Variants in ADAMTS2 observed in about 807,000 individuals in gnomAD.
ADAMTS2 encodes the protein A disintegrin and metalloproteinase with thrombospondin motifs 2.
A neutral mutation model predicts 123.0 loss-of-function variants in ADAMTS2; 50 were observed. That is an observed-to-expected ratio of 0.41 (90% CI 0.32 to 0.51). The LOEUF (loss-of-function observed/expected upper bound fraction) is 0.51. Ranked by LOEUF, ADAMTS2 falls within the 20% of genes least tolerant of loss-of-function variation. The pLI is 0.35. For missense variants in ADAMTS2, 1,494 were observed against 1,705.2 expected (o/e 0.88, Z 2.18); for synonymous variants, 678 against 695.4 (o/e 0.98, Z 0.39).
intron 12 of ADAMTS2, among the ~76,000 whole-genome samples, chr5:179,136,672 A>AC (rs1491249790): frequency 1.5e-5 from 2 of 133,996 alleles, no homozygotes; most frequent in African/African-American, 5.5e-5. Context: ...ACTCCATCTC[A>AC]AAAAAAAAAA....
rs931397444 is a variant in ADAMTS2, at chr5:179,188,805, C to G, written c.892-7650G>C. 9.9e-5 allele frequency among the ~76,000 whole-genome samples: 15 copies of G among 152,152 alleles called. No homozygotes were observed. Among genetic ancestry groups the G allele is most frequent in the Non-Finnish European group, 2.9e-5 (2 of 68,022 alleles). ...GCCTCAGGGTGGGGACGGGGCTCCTCCACTTCCAGGCCAGCTCATCAATGC... is the reference window on the plus strand; with the variant it reads ...GCCTCAGGGTGGGGACGGGGCTCCTGCACTTCCAGGCCAGCTCATCAATGC... On this transcript the variant is annotated intron_variant, in intron 4 of 21. Coordinates refer to ENST00000251582, the MANE Select transcript of ADAMTS2 (RefSeq NM_014244.5). The surrounding 1 kb of genome is among the most constrained non-coding windows in gnomAD (Gnocchi z 5.1).
intron 2 of ADAMTS2, among the ~76,000 whole-genome samples, chr5:179,304,402 G>A (rs913467036): frequency 1.3e-5 from 2 of 152,158 alleles, no homozygotes; most frequent in African/African-American, 4.8e-5. Flanking sequence ...GGAATTAACT[G>A]ACAATGATCT....
At chr5:179,137,523 G>C (rs1763085524) in intron 12 of ADAMTS2, among the ~76,000 whole-genome samples, 1 of 152,252 alleles carries the variant, frequency 6.6e-6, no homozygotes, top group Non-Finnish European at 1.5e-5. Context: ...CCGCAGCCCG[G>C]CCACCTCTTC....
intron 4 of ADAMTS2, among the ~76,000 whole-genome samples, chr5:179,200,301 T>C (rs1210533547): frequency 1.4e-5 from 2 of 137,942 alleles, no homozygotes; most frequent in African/African-American, 2.8e-5. Flanking sequence ...CAGACTGGAG[T>C]GCAGTGGCGT....
At chr5:179,295,531 A>G (rs536135665) in intron 2 of ADAMTS2, among the ~76,000 whole-genome samples, 1 of 152,268 alleles carries the variant, frequency 6.6e-6, no homozygotes, top group East Asian at 1.9e-4. Context: ...CATGCCCTGT[A>G]GCCCGACCAG....
At chr5:179,163,534 C>T (rs1763638843) in intron 5 of ADAMTS2, among the ~76,000 whole-genome samples, 1 of 152,136 alleles carries the variant, frequency 6.6e-6, no homozygotes, top group African/African-American at 2.4e-5. Context: ...GACAAAACAA[C>T]GCATCCTCCC....
Position 179,285,218 on chromosome 5 carries a change from A to AT in ADAMTS2, c.535-12155dup, listed in dbSNP as rs900094490. Among the ~76,000 whole-genome samples the AT allele has an allele frequency of 3.9e-5, 6 of 151,988 alleles. No individual in the cohort carries two copies. Among genetic ancestry groups the AT allele is most frequent in the African/African-American group, 1.2e-4 (5 of 41,448 alleles). On this transcript the variant is annotated intron_variant, in intron 2 of 21. Coordinates refer to ENST00000251582, the MANE Select transcript of ADAMTS2 (RefSeq NM_014244.5). The surrounding 1 kb of genome is among the most constrained non-coding windows in gnomAD (Gnocchi z 4.9). ...TTCACTTTTTATTAATATTTTCTGT[A>AT]TTTTTTTTGTTTTACATTTTTACAA... is the stretch of plus-strand genomic sequence containing the variant.
At chr5:179,294,682 C>A (rs1489183126) in intron 2 of ADAMTS2, among the ~76,000 whole-genome samples, 1 of 152,262 alleles carries the variant, frequency 6.6e-6, no homozygotes, top group Non-Finnish European at 1.5e-5. Context: ...AGGGTGGCCC[C>A]TGCCCCGTGT....
chr5:179,173,088 T>C (rs975777789), intron 5 of ADAMTS2, among the ~76,000 whole-genome samples: 1 of 151,110 alleles, frequency 6.6e-6, no homozygotes, highest in Non-Finnish European at 1.5e-5. Flanking sequence ...GGTGCGTGCC[T>C]GTAGTCCAAG....
Position 179,111,556 on chromosome 5 carries a change from C to T in ADAMTS2, c.*2311G>A, listed in dbSNP as rs1762568092. On this transcript the variant is annotated 3_prime_UTR_variant, in exon 22 of 22. Coordinates refer to ENST00000251582, the MANE Select transcript of ADAMTS2 (RefSeq NM_014244.5). ...TGTCAGTCCCAGAGGGCACCTTGCT[C>T]CCTTCAGCGGAAGACAGGTGCCCAG... 6.6e-6 allele frequency: 1 copy of T among 152,276 alleles called. No homozygotes were observed. The highest frequency in any genetic ancestry group is 1.5e-5 in the Non-Finnish European group (1 of 68,058). The allele number at this position is 152,276 out of a possible 1,614,324, so 9.4% of individuals were successfully genotyped here.
chr5:179,212,336 T>C (rs1427756901), intron 3 of ADAMTS2, among the ~76,000 whole-genome samples: 79 of 84,948 alleles, frequency 9.3e-4, no homozygotes, highest in Admixed American at 1.3e-3. Flanking sequence ...GCCCTGAGGG[T>C]GGGTTCAGTG....
chr5:179,320,559 C>G (rs1321052784), intron 2 of ADAMTS2, among the ~76,000 whole-genome samples: 1 of 150,708 alleles, frequency 6.6e-6, no homozygotes, highest in African/African-American at 2.5e-5. Flanking sequence ...ACCTTGTGAT[C>G]CGTCCACCTC....
rs1467271007 is a variant in ADAMTS2, at chr5:179,189,056, A to G, written c.892-7901T>C. 6.6e-6 allele frequency among the ~76,000 whole-genome samples: 1 copy of G among 152,118 alleles called. No individual in the cohort carries two copies. Among genetic ancestry groups the G allele is most frequent in the African/African-American group, 2.4e-5 (1 of 41,424 alleles). On this transcript the variant is annotated intron_variant, in intron 4 of 21. Coordinates refer to ENST00000251582, the MANE Select transcript of ADAMTS2 (RefSeq NM_014244.5). This position sits in a 1 kb window ranked among gnomAD's most constrained non-coding sequence, Gnocchi z 4.2. ...GGGTGCCAGCATGGGCTCTGCCACA[A>G]TCCTGCTGCGTGACTTGGGGCCAGT...
At chr5:179,226,663 G>T (rs1473592846) in intron 3 of ADAMTS2, among the ~76,000 whole-genome samples, 1 of 152,124 alleles carries the variant, frequency 6.6e-6, no homozygotes, top group African/African-American at 2.4e-5. Context: ...ACGGATCAGG[G>T]GTACATGCTG....
intron 2 of ADAMTS2, among the ~76,000 whole-genome samples, chr5:179,320,474 A>AT (rs10565392): frequency 0.28 from 39,616 of 142,166 alleles, 5,674 homozygotes; most frequent in Middle Eastern, 0.36. Flanking sequence ...CGCCTGGCTA[A>AT]TTTTTTTTTT....
At chr5:179,309,784 AG>A (rs1561722733) in intron 2 of ADAMTS2, among the ~76,000 whole-genome samples, 1 of 137,922 alleles carries the variant, frequency 7.3e-6, no homozygotes, top group African/African-American at 2.9e-5. Flanking sequence ...AAAAAAAAAA[AG>A]GCTCTGGCCC....
rs111876903 is a variant in ADAMTS2, at chr5:179,135,022, G to A, written c.2085+887C>T. 2.6e-3 allele frequency among the ~76,000 whole-genome samples: 147 copies of A among 57,148 alleles called. 6 individuals are homozygous for A. The South Asian group carries it at 0.052, about 20-fold the overall frequency. The allele number at this position is 57,148 out of a possible 152,430, so 37.5% of individuals were successfully genotyped here. ...CTCCCGGCTCCAGTCCCCAGCTCCC[G>A]GCTCCAGCTCCAGCCCCCAGCTCCC... On this transcript the variant is annotated intron_variant, in intron 13 of 21. Transcript: ENST00000251582.
chr5:179,201,919 G>T (rs1310066735), intron 4 of ADAMTS2, among the ~76,000 whole-genome samples: 1 of 152,162 alleles, frequency 6.6e-6, no homozygotes, highest in Non-Finnish European at 1.5e-5. Context: ...CCCAGCAGGG[G>T]CTGCTGGAGT....
At chr5:179,288,820 G>C (rs1383537578) in intron 2 of ADAMTS2, among the ~76,000 whole-genome samples, 1 of 152,214 alleles carries the variant, frequency 6.6e-6, no homozygotes, top group Non-Finnish European at 1.5e-5. Flanking sequence ...CCTCACAAGG[G>C]ACAAGGCCAC....
Sources: allele counts gnomAD v4.1 joint callset (sites outside exome capture counted in the v4.1 genomes callset), GRCh38; gene constraint gnomAD v4.1.1; non-coding constraint Gnocchi (gnomAD v3.1); transcripts MANE v1.5; gene names NCBI Gene and HGNC (gene_info 2026-07-23, HGNC 2026-07-21).